TTC28: variants seen among roughly 807,000 people sequenced by gnomAD.
TTC28 encodes tetratricopeptide repeat protein 28.
In TTC28, 61 loss-of-function variants were observed where a neutral mutation model predicts 198.0. That is an observed-to-expected ratio of 0.31 (90% CI 0.25 to 0.38). The LOEUF (loss-of-function observed/expected upper bound fraction) is 0.38, where lower values mean the gene tolerates loss of function less well. Ranked by LOEUF, TTC28 falls within the 10% of genes least tolerant of loss-of-function variation. TTC28 has a pLI of 1.00. For synonymous variants in TTC28, 1,171 were observed against 1,297.8 expected (o/e 0.90, Z 2.10); for missense variants, 2,678 against 3,164.0 (o/e 0.85, Z 3.69).
At chr22:28,148,335 C>T (rs557181152) in intron 6 of TTC28, among the ~76,000 whole-genome samples, 8 of 152,266 alleles carry the variant, frequency 5.3e-5, no homozygotes, top group African/African-American at 1.2e-4. Context: ...AGTTCTAGGC[C>T]GGGTGCAGTG....
chr22:28,529,086 G>C (rs1166153698), intron 2 of TTC28, among the ~76,000 whole-genome samples: 1 of 152,174 alleles, frequency 6.6e-6, no homozygotes, highest in African/African-American at 2.4e-5. Flanking sequence ...GCAGCCCACA[G>C]AGTGTGAGCC....
At position 28,533,753 on chromosome 22, in the gene TTC28, C is replaced by T. The variant is rs189640255; in HGVS notation, c.381+95799G>A. On this transcript the variant is annotated intron_variant, in intron 2 of 22. Coordinates refer to ENST00000397906, the MANE Select transcript of TTC28 (RefSeq NM_001145418.2). ...CAAAACAGAGCCCTCTGAAATAATA[C>T]CACACATCTACAACCATCTGATCTT... Among the ~76,000 whole-genome samples the T allele has an allele frequency of 2.5e-4, 38 of 152,256 alleles. No individual in the cohort carries two copies. The East Asian group carries it at 6.9e-3, about 28-fold the overall frequency.
At chr22:28,540,664 A>T (rs1203051157) in intron 2 of TTC28, among the ~76,000 whole-genome samples, 1 of 152,138 alleles carries the variant, frequency 6.6e-6, no homozygotes. Context: ...CAAAACCCAT[A>T]TTTTTCATTT....
chr22:28,021,638 G>T (rs1382603235), intron 13 of TTC28, among the ~76,000 whole-genome samples: 1 of 152,178 alleles, frequency 6.6e-6, no homozygotes, highest in South Asian at 2.1e-4. Flanking sequence ...CTGTGTACAT[G>T]TGTGCTCACA....
intron 2 of TTC28, among the ~76,000 whole-genome samples, chr22:28,401,836 T>C (rs2046913982): frequency 6.6e-6 from 1 of 152,190 alleles, no homozygotes. Flanking sequence ...AGCATAGACA[T>C]AATCAATTAA....
intron 2 of TTC28, among the ~76,000 whole-genome samples, chr22:28,535,436 A>G (rs2049245282): frequency 6.6e-6 from 1 of 152,206 alleles, no homozygotes; most frequent in Non-Finnish European, 1.5e-5. Flanking sequence ...TTTTATTTAA[A>G]TGAGATTACA....
chr22:28,458,078 T>G (rs565635732), intron 2 of TTC28, among the ~76,000 whole-genome samples: 11 of 152,146 alleles, frequency 7.2e-5, no homozygotes, highest in Non-Finnish European at 1.6e-4. Flanking sequence ...TTTATGGAAC[T>G]CTTATTTTTT....
chr22:28,575,439 T>C (rs1175996811), intron 2 of TTC28, among the ~76,000 whole-genome samples: 2 of 152,026 alleles, frequency 1.3e-5, no homozygotes, highest in African/African-American at 4.8e-5. Context: ...TGTAGTATAA[T>C]TTGAAGTCCT....
chr22:28,252,978 T>A (rs1168036083), intron 5 of TTC28, among the ~76,000 whole-genome samples: 1 of 152,194 alleles, frequency 6.6e-6, no homozygotes, highest in Non-Finnish European at 1.5e-5. Context: ...GTTTGTTTTT[T>A]TCCTGAAACA....
At chr22:28,323,447 A>T (rs2045478296) in intron 2 of TTC28, among the ~76,000 whole-genome samples, 1 of 152,238 alleles carries the variant, frequency 6.6e-6, no homozygotes, top group Non-Finnish European at 1.5e-5. Flanking sequence ...AAAGAAGCAG[A>T]AATTCTGGAG....
At chr22:28,645,350 C>A (rs1023502765) in intron 1 of TTC28, among the ~76,000 whole-genome samples, 1 of 147,616 alleles carries the variant, frequency 6.8e-6, no homozygotes, top group African/African-American at 2.5e-5. Flanking sequence ...ATAATTCAGG[C>A]CGGCGCGGTA....
chr22:28,523,943 T>C (rs550207910), intron 2 of TTC28, among the ~76,000 whole-genome samples: 224 of 152,278 alleles, frequency 1.5e-3, no homozygotes, highest in Non-Finnish European at 2.4e-3. Context: ...TCAATCCCTT[T>C]TCCTCCTTTC....
intron 2 of TTC28, among the ~76,000 whole-genome samples, chr22:28,540,383 C>T (rs1181300983): frequency 6.6e-6 from 1 of 152,050 alleles, no homozygotes; most frequent in Admixed American, 6.6e-5. Context: ...ACAAGAACTC[C>T]TTGGGTGAGA....
At chr22:28,094,842 C>T (rs1025999042) in intron 11 of TTC28, among the ~76,000 whole-genome samples, 6 of 152,014 alleles carry the variant, frequency 3.9e-5, no homozygotes, top group African/African-American at 9.7e-5. Flanking sequence ...GGTTTTCTGG[C>T]GATAAATAGG....
chr22:28,598,746 C>T (rs879544087), intron 2 of TTC28, among the ~76,000 whole-genome samples: 1 of 152,108 alleles, frequency 6.6e-6, no homozygotes, highest in Non-Finnish European at 1.5e-5. Context: ...AGGAAACAAA[C>T]TCTCTTAAAT....
At chr22:28,071,266 T>C (rs941772615) in intron 12 of TTC28, among the ~76,000 whole-genome samples, 2 of 152,062 alleles carry the variant, frequency 1.3e-5, no homozygotes, top group East Asian at 1.9e-4. Flanking sequence ...CATGCTGCTA[T>C]AAAGACACAT....
At chr22:28,559,016 C>G in intron 2 of TTC28, among the ~76,000 whole-genome samples, 1 of 149,774 alleles carries the variant, frequency 6.7e-6, no homozygotes, top group Non-Finnish European at 1.5e-5. Flanking sequence ...GCCTGGGCAA[C>G]AAAAGCAAGA....
At chr22:27,989,794 T>C in intron 21 of TTC28, 84 bp downstream of exon 21, 3 of 1,483,360 alleles carry the variant, frequency 2.0e-6, no homozygotes, top group East Asian at 2.5e-5. Context: ...CTGAGATACT[T>C]TGCCCAACAG....
intron 2 of TTC28, among the ~76,000 whole-genome samples, chr22:28,441,520 C>T (rs1039150709): frequency 1.3e-5 from 2 of 152,134 alleles, no homozygotes; most frequent in Admixed American, 1.3e-4. Flanking sequence ...AGATTCTTGA[C>T]TTCAGGATGA....
Sources: gnomAD v4.1 joint callset for allele counts (sites outside exome capture counted in the v4.1 genomes callset) on GRCh38, gnomAD v4.1.1 for gene constraint, MANE v1.5 for transcripts, NCBI Gene and HGNC (gene_info 2026-07-23, HGNC 2026-07-21) for gene names.